NEURL2: variants seen among roughly 807,000 people sequenced by gnomAD.
The protein encoded by NEURL2 is neuralized-like protein 2.
A neutral mutation model predicts 15.9 loss-of-function variants in NEURL2; 16 were observed. The ratio of observed to expected loss-of-function variants is 1.01; its 90% CI spans 0.68 to 1.53. NEURL2 has a LOEUF of 1.53. NEURL2 is among the 40% of genes most tolerant of loss of function. NEURL2 has a pLI of 0.00. For missense variants in NEURL2, 393 were observed against 407.8 expected (o/e 0.96, Z 0.31); for synonymous variants, 188 against 178.3 (o/e 1.05, Z -0.43).
rs752590233 is a variant in NEURL2 at position 45,890,394 on chromosome 20, C to T, written c.598G>A (p.Gly200Ser). 2.5e-6 allele frequency: 4 copies of T among 1,612,468 alleles called. No homozygotes were observed. In the African/African-American group the frequency reaches 4.0e-5, roughly 16 times the overall value. The change falls in exon 1 of 2, where the codon GGC becomes AGC. Residue 200 changes from glycine to serine, a missense_variant. By Grantham distance (56) the Gly-to-Ser change is moderately conservative. Coordinates refer to ENST00000372518, the MANE Select transcript of NEURL2 (RefSeq NM_080749.4). The stretch of plus-strand genomic sequence containing the variant: ...ATGATGATGTGCATGTCGGCCGTGC[C>T]ATCGGGGCGCGGGCAAAAGAGGACA... ...LGVLFCPRPD[G>S]TADMHIIING...
In NEURL2 at chr20:45,890,938, G is replaced by A. The variant is rs1203159118; in HGVS notation, c.54C>T (p.Arg18=). 2 of 1,524,592 alleles carry A rather than the reference G, an allele frequency of 1.3e-6. No homozygotes were observed. The highest frequency in any genetic ancestry group is 8.8e-7 in the Non-Finnish European group (1 of 1,135,610). 94.4% of individuals were successfully genotyped at this position (1,524,592 alleles called of 1,614,324 possible). A position where few individuals can be genotyped will look rare whatever the true frequency, so the allele number is the denominator to read the frequency against. Reference sequence around the variant, plus strand: ...GGAAGCGGGTGGGAGGGGGCTCCGGGCGCTCGAGTCCCCAGAGTGCACCCG... The same window carrying A: ...GGAAGCGGGTGGGAGGGGGCTCCGGACGCTCGAGTCCCCAGAGTGCACCCG... ...VDSGALWGLE[R]PEPPPTRFHR... The change falls in exon 1 of 2, where the codon CGC becomes CGT. Residue 18 remains arginine, a synonymous_variant. Transcript: ENST00000372518.
Position 45,888,878 on chromosome 20 carries a change from G to A in NEURL2, c.743-5C>T. 6.2e-7 allele frequency: 1 copy of A among 1,614,096 alleles called. No individual in the cohort carries two copies. The highest frequency in any genetic ancestry group is 1.1e-5 in the South Asian group (1 of 91,084). ...ACAGAGTCTGCAGGGATGGCACTGT[G>A]GGAAGAAGACTGTGAAAGGCAAACT... is the stretch of plus-strand genomic sequence containing the variant. On this transcript the variant is annotated splice_region_variant and splice_polypyrimidine_tract_variant and intron_variant, in intron 1 of 1. Coordinates refer to ENST00000372518, the MANE Select transcript of NEURL2 (RefSeq NM_080749.4).
chr20:45,891,088 C>G lies in NEURL2; in HGVS notation c.-97G>C. On this transcript the variant is annotated 5_prime_UTR_variant, in exon 1 of 2. Transcript: ENST00000372518. The surrounding 1 kb of genome is among the most constrained non-coding windows in gnomAD (Gnocchi z 4.6). Reference sequence around the variant, plus strand: ...GGCGACCTTGTAAGGCATTTCCCCCCTGACTCCCTTCCCCGAGCCTCTGCC... The same window carrying G: ...GGCGACCTTGTAAGGCATTTCCCCCGTGACTCCCTTCCCCGAGCCTCTGCC... 1 of 1,288,232 alleles carries G rather than the reference C, an allele frequency of 7.8e-7. No homozygotes were observed. 79.8% of individuals were successfully genotyped at this position (1,288,232 alleles called of 1,614,324 possible). A position where few individuals can be genotyped will look rare whatever the true frequency, so the allele number is the denominator to read the frequency against.
rs772898181 is a variant in NEURL2 at position 45,890,290 on chromosome 20, A to G, written c.702T>C (p.Ala234=). The G allele has an allele frequency of 8.7e-6, 14 of 1,613,454 alleles. No individual in the cohort carries two copies. The highest frequency in any genetic ancestry group is 2.2e-5 in the East Asian group (1 of 44,874). Residue 234 remains alanine, a synonymous_variant, in exon 1 of 2, where the codon GCT becomes GCC. Coordinates refer to ENST00000372518, the MANE Select transcript of NEURL2 (RefSeq NM_080749.4). The part of the protein sequence containing the change: ...QPLYAVVDVF[A]STKSVRLVQL... ...GGACAAGGCGCACGCTCTTTGTGGA[A>G]GCAAACACGTCCACCACCGCGTAGA...
chr20:45,891,126 C>T lies in NEURL2; in HGVS notation c.-135G>A, dbSNP rs1986810180. ...CCGAGCCTCTGCCCGGGGGTCCTAG[C>T]GCCGCTTTCTCAGCCATCCCGCCTA... On this transcript the variant is annotated 5_prime_UTR_variant, in exon 1 of 2. Coordinates refer to ENST00000372518, the MANE Select transcript of NEURL2 (RefSeq NM_080749.4). This position sits in a 1 kb window ranked among gnomAD's most constrained non-coding sequence, Gnocchi z 4.6. The T allele has an allele frequency of 1.8e-6, 2 of 1,084,640 alleles. No individual in the cohort carries two copies. The highest frequency in any genetic ancestry group is 2.6e-6 in the Non-Finnish European group (2 of 763,234). 67.2% of individuals were successfully genotyped at this position (1,084,640 alleles called of 1,614,324 possible).
At chr20:45,888,949 A>C in intron 1 of NEURL2, 76 bp from the exon 2 acceptor site, 2 of 1,564,170 alleles carry the variant, frequency 1.3e-6, no homozygotes, top group Non-Finnish European at 1.7e-6. Flanking sequence ...GGTCTAGGTC[A>C]TGGTCCCCAC....
In NEURL2 at chr20:45,891,089, T is replaced by G; in HGVS notation, c.-98A>C. On this transcript the variant is annotated 5_prime_UTR_variant, in exon 1 of 2. Transcript: ENST00000372518. This position sits in a 1 kb window ranked among gnomAD's most constrained non-coding sequence, Gnocchi z 4.6. The stretch of plus-strand genomic sequence containing the variant: ...GCGACCTTGTAAGGCATTTCCCCCC[T>G]GACTCCCTTCCCCGAGCCTCTGCCC... 1 of 1,282,142 alleles carries G rather than the reference T, an allele frequency of 7.8e-7. No homozygotes were observed. Among genetic ancestry groups the G allele is most frequent in the East Asian group, 2.6e-5 (1 of 39,128 alleles). The allele number at this position is 1,282,142 out of a possible 1,614,324, so 79.4% of individuals were successfully genotyped here. A position where few individuals can be genotyped will look rare whatever the true frequency, so the allele number is the denominator to read the frequency against.
intron 1 of NEURL2, among the ~76,000 whole-genome samples, chr20:45,889,806 C>T (rs1986661719): frequency 6.6e-6 from 1 of 152,046 alleles, no homozygotes; most frequent in South Asian, 2.1e-4. Context: ...TAGAGACAGG[C>T]TTTCACCATG....
intron 1 of NEURL2, among the ~76,000 whole-genome samples, chr20:45,889,325 C>T (rs893041654): frequency 6.6e-6 from 1 of 152,002 alleles, no homozygotes; most frequent in Non-Finnish European, 1.5e-5. Flanking sequence ...CCAATATGCC[C>T]AAGTCTATGA....
Position 45,891,194 on chromosome 20 carries a change from C to T in NEURL2, c.-203G>A, listed in dbSNP as rs1453814267. Reference sequence around the variant, plus strand: ...ACAGGATCATCTGATCGCGTGCGCCCGGGCTACGATCTGCGAGGCCCGCGG... The same window carrying T: ...ACAGGATCATCTGATCGCGTGCGCCTGGGCTACGATCTGCGAGGCCCGCGG... On this transcript the variant is annotated 5_prime_UTR_variant, in exon 1 of 2. Transcript: ENST00000372518. The surrounding 1 kb of genome is among the most constrained non-coding windows in gnomAD (Gnocchi z 4.6). 2 of 1,077,586 alleles carry T rather than the reference C, an allele frequency of 1.9e-6. No homozygotes were observed. The highest frequency in any genetic ancestry group is 1.4e-6 in the Non-Finnish European group (1 of 728,386). 66.8% of individuals were successfully genotyped at this position (1,077,586 alleles called of 1,614,324 possible).
Position 45,889,636 on chromosome 20 carries a change from CAG to C in NEURL2, c.742+612_742+613del, listed in dbSNP as rs1445295763. ...CTCTCTCTCTCTTTCTTTTTTTTTT[CAG>C]AGTCTTGCTCTGTTGCCTAGGCTGG... On this transcript the variant is annotated intron_variant, in intron 1 of 1. Coordinates refer to ENST00000372518, the MANE Select transcript of NEURL2 (RefSeq NM_080749.4). Among the ~76,000 whole-genome samples, 22 of 132,230 alleles carry C rather than the reference CAG, an allele frequency of 1.7e-4. No homozygotes were observed. In the South Asian group the frequency reaches 5.2e-3, roughly 32 times the overall value. The allele number at this position is 132,230 out of a possible 152,430, so 86.7% of individuals were successfully genotyped here. A position where few individuals can be genotyped will look rare whatever the true frequency, so the allele number is the denominator to read the frequency against.
Position 45,891,082 on chromosome 20 carries a change from T to TC in NEURL2, c.-92dup. 7.6e-7 allele frequency: 1 copy of TC among 1,322,448 alleles called. No individual in the cohort carries two copies. Among genetic ancestry groups the TC allele is most frequent in the Non-Finnish European group, 1.0e-6 (1 of 988,908 alleles). The allele number at this position is 1,322,448 out of a possible 1,614,324, so 81.9% of individuals were successfully genotyped here. A position where few individuals can be genotyped will look rare whatever the true frequency, so the allele number is the denominator to read the frequency against. On this transcript the variant is annotated 5_prime_UTR_variant, in exon 1 of 2. An upstream open reading frame in the 5' UTR gains an earlier in-frame stop. Transcript: ENST00000372518. The surrounding 1 kb of genome is among the most constrained non-coding windows in gnomAD (Gnocchi z 4.6). The stretch of plus-strand genomic sequence containing the variant: ...CCGCAAGGCGACCTTGTAAGGCATT[T>TC]CCCCCCTGACTCCCTTCCCCGAGCC...
Position 45,888,636 on chromosome 20 carries a change from A to G in NEURL2, c.*122T>C. On this transcript the variant is annotated 3_prime_UTR_variant, in exon 2 of 2. Transcript: ENST00000372518. The stretch of plus-strand genomic sequence containing the variant: ...GGGGCAAGGAGACCTTCCAGTGATC[A>G]AGATGTCAGCATCGGCTGTTTATTT... 2 of 895,634 alleles carry G rather than the reference A, an allele frequency of 2.2e-6. No individual in the cohort carries two copies. The highest frequency in any genetic ancestry group is 3.5e-6 in the Non-Finnish European group (2 of 577,578). The allele number at this position is 895,634 out of a possible 1,614,324, so 55.5% of individuals were successfully genotyped here. A position where few individuals can be genotyped will look rare whatever the true frequency, so the allele number is the denominator to read the frequency against.
chr20:45,890,987 G>C lies in NEURL2; in HGVS notation c.5C>G (p.Ala2Gly). ...CGAATCCACGGGCTCGGAGGCAGCAGCCATCTCTCGGCCATAGGGCAGGCC... is the reference window on the plus strand; with the variant it reads ...CGAATCCACGGGCTCGGAGGCAGCACCCATCTCTCGGCCATAGGGCAGGCC... The part of the protein sequence containing the change: M[A>G]AASEPVDSGA... Residue 2 changes from alanine to glycine, a missense_variant, in exon 1 of 2, where the codon GCT becomes GGT. Transcript: ENST00000372518. The C allele has an allele frequency of 6.7e-7, 1 of 1,486,862 alleles. No homozygotes were observed. The highest frequency in any genetic ancestry group is 8.9e-7 in the Non-Finnish European group (1 of 1,118,300). The allele number at this position is 1,486,862 out of a possible 1,614,324, so 92.1% of individuals were successfully genotyped here.
Position 45,890,082 on chromosome 20 carries a change from A to T in NEURL2, c.742+168T>A. On this transcript the variant is annotated intron_variant, in intron 1 of 1. Coordinates refer to ENST00000372518, the MANE Select transcript of NEURL2 (RefSeq NM_080749.4). ...AAGATAGGTACCAAGGCCCAAAACCATGTAGAGGCTTGTGCAAGATCACAA... is the reference window on the plus strand; with the variant it reads ...AAGATAGGTACCAAGGCCCAAAACCTTGTAGAGGCTTGTGCAAGATCACAA... 6 of 701,650 alleles carry T rather than the reference A, an allele frequency of 8.6e-6. No homozygotes were observed. In the South Asian group the frequency reaches 1.1e-4, roughly 13 times the overall value. The allele number at this position is 701,650 out of a possible 1,614,324, so 43.5% of individuals were successfully genotyped here. A position where few individuals can be genotyped will look rare whatever the true frequency, so the allele number is the denominator to read the frequency against.
Position 45,890,963 on chromosome 20 carries a change from G to C in NEURL2, c.29C>G (p.Ser10Trp). The change falls in exon 1 of 2, where the codon TCG (serine) becomes TGG (tryptophan). Residue 10 changes from serine to tryptophan, a missense_variant. Physicochemically the swap from Ser to Trp is radical, Grantham distance 177 (BLOSUM62 -3). Transcript: ENST00000372518. The part of the protein sequence containing the change: MAAASEPVD[S>W]GALWGLERPE... ...GCGCTCGAGTCCCCAGAGTGCACCC[G>C]AATCCACGGGCTCGGAGGCAGCAGC... 1 of 1,501,800 alleles carries C rather than the reference G, an allele frequency of 6.7e-7. No homozygotes were observed. The highest frequency in any genetic ancestry group is 1.4e-5 in the African/African-American group (1 of 71,986). 93.0% of individuals were successfully genotyped at this position (1,501,800 alleles called of 1,614,324 possible). A position where few individuals can be genotyped will look rare whatever the true frequency, so the allele number is the denominator to read the frequency against.
At position 45,891,124 on chromosome 20, in the gene NEURL2, A is replaced by G. The variant is rs1052908113; in HGVS notation, c.-133T>C. The G allele has an allele frequency of 9.2e-7, 1 of 1,091,682 alleles. No individual in the cohort carries two copies. The highest frequency in any genetic ancestry group is 1.6e-5 in the African/African-American group (1 of 63,534). 67.6% of individuals were successfully genotyped at this position (1,091,682 alleles called of 1,614,324 possible). On this transcript the variant is annotated 5_prime_UTR_variant, in exon 1 of 2. Transcript: ENST00000372518. The surrounding 1 kb of genome is among the most constrained non-coding windows in gnomAD (Gnocchi z 4.6). The stretch of plus-strand genomic sequence containing the variant: ...CCCCGAGCCTCTGCCCGGGGGTCCT[A>G]GCGCCGCTTTCTCAGCCATCCCGCC...
rs1454244313 is a variant in NEURL2 at position 45,890,740 on chromosome 20, A to G, written c.252T>C (p.Gly84=). The G allele has an allele frequency of 6.2e-7, 1 of 1,613,188 alleles. No individual in the cohort carries two copies. Among genetic ancestry groups the G allele is most frequent in the South Asian group, 1.1e-5 (1 of 91,056 alleles). The stretch of plus-strand genomic sequence containing the variant: ...GACTGGCGGGGTCCAGCGCGGTCAG[A>G]CCGAGACGCAGATGTCCGCACCAGC... ...ELGWCGHLRL[G]LTALDPASLA... The change falls in exon 1 of 2, where the codon GGT becomes GGC. Residue 84 remains glycine (G), a synonymous_variant. Coordinates refer to ENST00000372518, the MANE Select transcript of NEURL2 (RefSeq NM_080749.4).
At chr20:45,890,153 G>A in intron 1 of NEURL2, 97 bp downstream of exon 1, 3 of 1,357,404 alleles carry the variant, frequency 2.2e-6, no homozygotes, top group African/African-American at 1.4e-5. Context: ...TTAAACTAGT[G>A]CCGGACAGAC....
Sources: allele counts gnomAD v4.1 joint callset (sites outside exome capture counted in the v4.1 genomes callset), GRCh38; gene constraint gnomAD v4.1.1; non-coding constraint Gnocchi (gnomAD v3.1); transcripts MANE v1.5; gene names NCBI Gene and HGNC (gene_info 2026-07-23, HGNC 2026-07-21).